Variants in NOD1 observed in about 807,000 individuals in gnomAD.
NOD1 encodes nucleotide binding oligomerization domain containing 1, also known as nucleotide-binding oligomerization domain-containing protein 1.
Under a neutral mutation model 81.2 loss-of-function variants are expected in NOD1, and 70 were observed. The observed-to-expected ratio is 0.86, with a 90% CI of 0.71 to 1.05. The LOEUF (loss-of-function observed/expected upper bound fraction) is 1.05, where lower values mean the gene tolerates loss of function less well. Among genes scored for constraint, NOD1 ranks in the 50% least tolerant of loss-of-function variants. The probability of loss-of-function intolerance (pLI) is 0.00; values close to 1 mark genes in which losing one functional copy is unlikely to be tolerated. For synonymous variants in NOD1, 508 were observed against 526.9 expected (o/e 0.96, Z 0.49); for missense variants, 1,233 against 1,228.0 (o/e 1.00, Z -0.06).
At chr7:30,426,135 T>G (rs1431939378) in intron 13 of NOD1, among the ~76,000 whole-genome samples, 1 of 152,148 alleles carries the variant, frequency 6.6e-6, no homozygotes, top group Non-Finnish European at 1.5e-5. Context: ...GACCTCTACA[T>G]CTGAGATTTC....
intron 9 of NOD1, among the ~76,000 whole-genome samples, 197 bp downstream of exon 9, chr7:30,445,944 G>T (rs939615034): frequency 4.6e-5 from 7 of 151,948 alleles, no homozygotes; most frequent in Non-Finnish European, 8.8e-5. Context: ...CAAGAGGCAG[G>T]GGGGAGGGGG....
intron 1 of NOD1, among the ~76,000 whole-genome samples, chr7:30,473,634 G>A (rs1034725476): frequency 8.5e-5 from 13 of 152,188 alleles, no homozygotes; most frequent in African/African-American, 2.9e-4. Flanking sequence ...GCGACAGGAG[G>A]AGTGAGCTGC....
intron 1 of NOD1, among the ~76,000 whole-genome samples, chr7:30,477,111 A>T (rs566159354): frequency 6.6e-6 from 1 of 152,356 alleles, no homozygotes; most frequent in East Asian, 1.9e-4. Flanking sequence ...GTCACAGCAT[A>T]GAAGTGACAG....
At chr7:30,450,021 C>T (rs1188443806) in intron 6 of NOD1, among the ~76,000 whole-genome samples, 10 of 152,174 alleles carry the variant, frequency 6.6e-5, no homozygotes, top group Admixed American at 3.3e-4. Flanking sequence ...GGGGAAACCC[C>T]GTCCTACTAA....
At chr7:30,446,092 C>CA (rs771984523) in intron 9 of NOD1, 49 bp downstream of exon 9, 26 of 1,389,824 alleles carry the variant, frequency 1.9e-5, no homozygotes, top group African/African-American at 2.8e-5. Context: ...GGCCCGCCCC[C>CA]CACACACACA....
rs898997209 is a variant in NOD1, at chr7:30,455,286, T to C, written c.227A>G (p.Gln76Arg). The change falls in exon 5 of 14, where the codon CAG (glutamine) becomes CGG (arginine). Residue 76 changes from glutamine to arginine, a missense_variant. Transcript: ENST00000222823. Reference protein sequence around the residue: ...DKVRKILDLVQSKGEEVSEFF... With the variant: ...DKVRKILDLVRSKGEEVSEFF... ...CTCGGACACCTCCTCGCCCTTGCTCTGTACCAGGTCCAGAATTTTGCGGAC... is the reference window on the plus strand; with the variant it reads ...CTCGGACACCTCCTCGCCCTTGCTCCGTACCAGGTCCAGAATTTTGCGGAC... The C allele has an allele frequency of 6.2e-7, 1 of 1,613,990 alleles. No homozygotes were observed. Among genetic ancestry groups the C allele is most frequent in the African/African-American group, 1.3e-5 (1 of 75,052 alleles).
At chr7:30,430,759 G>C (rs1783880318) in intron 12 of NOD1, among the ~76,000 whole-genome samples, 1 of 152,244 alleles carries the variant, frequency 6.6e-6, no homozygotes, top group Admixed American at 6.5e-5. Flanking sequence ...ATTAGGCACA[G>C]TGTCCAGGGG....
chr7:30,468,003 A>G (rs1247443463), intron 1 of NOD1, among the ~76,000 whole-genome samples: 1 of 152,160 alleles, frequency 6.6e-6, no homozygotes, highest in Non-Finnish European at 1.5e-5. Context: ...CACCCGGCCT[A>G]TATTTTGTTT....
chr7:30,446,102 A>G, intron 9 of NOD1, 39 bp downstream of exon 9: 1 of 1,444,084 alleles, frequency 6.9e-7, no homozygotes, highest in Non-Finnish European at 9.8e-7. Flanking sequence ...CCACACACAC[A>G]GCAGGTTGTA....
chr7:30,460,776 T>A, intron 1 of NOD1: 1 of 770,678 alleles, frequency 1.3e-6, no homozygotes, highest in Non-Finnish European at 1.6e-6. Flanking sequence ...CTCTTCTTTC[T>A]AGCTTTCTGC....
At chr7:30,432,748 G>A (rs974196419) in intron 12 of NOD1, among the ~76,000 whole-genome samples, 3 of 152,184 alleles carry the variant, frequency 2.0e-5, no homozygotes, top group Admixed American at 6.5e-5. Flanking sequence ...TTATCATTTA[G>A]CCATAAAAAG....
chr7:30,425,031 T>G lies in NOD1; in HGVS notation c.*607A>C, dbSNP rs990937448. On this transcript the variant is annotated 3_prime_UTR_variant, in exon 14 of 14. Transcript: ENST00000222823. ...ATTAAAATTAAAAGCCCGTGGTGCA[T>G]CCTTTCCTTGACATTAACTTTCCAC... 6.6e-6 allele frequency: 1 copy of G among 152,612 alleles called. No homozygotes were observed. Among genetic ancestry groups the G allele is most frequent in the East Asian group, 1.9e-4 (1 of 5,212 alleles). The allele number at this position is 152,612 out of a possible 1,614,324, so 9.5% of individuals were successfully genotyped here. A position where few individuals can be genotyped will look rare whatever the true frequency, so the allele number is the denominator to read the frequency against.
intron 3 of NOD1, among the ~76,000 whole-genome samples, chr7:30,457,548 G>T (rs889530295): frequency 1.3e-5 from 2 of 152,116 alleles, no homozygotes; most frequent in African/African-American, 4.8e-5. Flanking sequence ...ACCAGAGATA[G>T]CCAACTCTTT....
At chr7:30,427,541 A>G (rs1333690718) in intron 13 of NOD1, among the ~76,000 whole-genome samples, 1 of 152,148 alleles carries the variant, frequency 6.6e-6, no homozygotes, top group Non-Finnish European at 1.5e-5. Flanking sequence ...AGTCACACAC[A>G]GAGGAGCATG....
At chr7:30,469,443 T>C (rs1013417266) in intron 1 of NOD1, among the ~76,000 whole-genome samples, 1 of 152,106 alleles carries the variant, frequency 6.6e-6, no homozygotes, top group African/African-American at 2.4e-5. Context: ...CTGTCTCTCA[T>C]ACAAAGTACC....
chr7:30,431,778 G>GA (rs1278631354), intron 12 of NOD1, among the ~76,000 whole-genome samples: 12 of 152,028 alleles, frequency 7.9e-5, no homozygotes, highest in African/African-American at 2.2e-4. Flanking sequence ...AGCAACCAAA[G>GA]AAAAAAATAG....
At chr7:30,435,789 T>C (rs1784329043) in intron 11 of NOD1, among the ~76,000 whole-genome samples, 1 of 151,706 alleles carries the variant, frequency 6.6e-6, no homozygotes, top group Admixed American at 6.6e-5. Context: ...CAAAACCCCA[T>C]CTCTACAAAA....
rs368764424 is a variant in NOD1 at position 30,458,371 on chromosome 7, T to TA, written c.-122+780dup. Among the ~76,000 whole-genome samples the TA allele has an allele frequency of 5.5e-3, 821 of 148,532 alleles. 6 individuals are homozygous for TA. Among genetic ancestry groups the TA allele is most frequent in the African/African-American group, 0.019 (770 of 40,364 alleles). ...AAACTCATGCATTTCAGAGAGAGAGTAAAAAAAAGGTTTTTTTGTAGTTCA... is the reference window on the plus strand; with the variant it reads ...AAACTCATGCATTTCAGAGAGAGAGTAAAAAAAAAGGTTTTTTTGTAGTTCA... On this transcript the variant is annotated intron_variant, in intron 3 of 13. Coordinates refer to ENST00000222823, the MANE Select transcript of NOD1 (RefSeq NM_006092.4).
At position 30,478,450 on chromosome 7, in the gene NOD1, C is replaced by T. The variant is rs987883531; in HGVS notation, c.-352+156G>A. Among the ~76,000 whole-genome samples, 8 of 152,238 alleles carry T rather than the reference C, an allele frequency of 5.3e-5. No individual in the cohort carries two copies. Among genetic ancestry groups the T allele is most frequent in the Non-Finnish European group, 1.0e-4 (7 of 68,042 alleles). ...CAACTTTCGCTACATGCTTCAAACT[C>T]GCGGGTTTCTCCGCTTGGTTCCACC... On this transcript the variant is annotated intron_variant, in intron 1 of 13. Transcript: ENST00000222823. This position sits in a 1 kb window ranked among gnomAD's most constrained non-coding sequence, Gnocchi z 4.1.
Sources: allele counts gnomAD v4.1 joint callset (sites outside exome capture counted in the v4.1 genomes callset), GRCh38; gene constraint gnomAD v4.1.1; non-coding constraint Gnocchi (gnomAD v3.1); transcripts MANE v1.5; gene names NCBI Gene and HGNC (gene_info 2026-07-23, HGNC 2026-07-21).